The following PCDH7 variants were observed in gnomAD, a reference collection of about 807,000 sequenced individuals.
PCDH7 encodes protocadherin 7.
Under a neutral mutation model 58.9 loss-of-function variants are expected in PCDH7, and 17 were observed. The ratio of observed to expected loss-of-function variants is 0.29; its 90% CI spans 0.20 to 0.43. The LOEUF (loss-of-function observed/expected upper bound fraction) is 0.43. PCDH7 is among the 20% of genes least tolerant of loss of function. The pLI is 1.00. For synonymous variants in PCDH7, 664 were observed against 616.4 expected (o/e 1.08, Z -1.14); for missense variants, 1,274 against 1,441.0 (o/e 0.88, Z 1.88).
chr4:30,722,513 C>G lies in PCDH7; in HGVS notation c.1091C>G (p.Ser364Cys). 6.2e-7 allele frequency: 1 copy of G among 1,610,222 alleles called. No homozygotes were observed. The highest frequency in any genetic ancestry group is 8.5e-7 in the Non-Finnish European group (1 of 1,178,794). ...CGGCTGCTGCGCCTTGACGAGACGT[C>G]CGGCTGGCTCAGCGTCCTGCACCGG... The change falls in exon 1 of 2, where the codon TCC becomes TGC. Residue 364 changes from serine (S) to cysteine (C), a missense_variant. By Grantham distance (112) the Ser-to-Cys change is moderately radical. This residue lies in a region of PCDH7 where 331 missense variants were observed against 303.2 expected (regional missense o/e 1.09). Coordinates refer to ENST00000361762, the Ensembl canonical transcript of PCDH7. This position sits in a 1 kb window ranked among gnomAD's most constrained non-coding sequence, Gnocchi z 7.6.
chr4:30,856,223 C>T (rs1733437768), intron 1 of PCDH7, among the ~76,000 whole-genome samples: 1 of 151,900 alleles, frequency 6.6e-6, no homozygotes, highest in Non-Finnish European at 1.5e-5. Flanking sequence ...AAATTTAAAG[C>T]ACTCTCTTTT....
At chr4:30,988,947 T>A (rs186672627) in intron 3 of PCDH7, among the ~76,000 whole-genome samples, 2 of 152,296 alleles carry the variant, frequency 1.3e-5, no homozygotes, top group East Asian at 3.9e-4. Context: ...AACTGACAGC[T>A]TGATTTCTCT....
At chr4:31,069,673 A>C (rs978405645) in intron 3 of PCDH7, among the ~76,000 whole-genome samples, 2 of 151,970 alleles carry the variant, frequency 1.3e-5, no homozygotes, top group African/African-American at 4.8e-5. Context: ...TTTTCTTTAA[A>C]AGTTGAAGCC....
chr4:31,034,944 A>G (rs1371149028), intron 3 of PCDH7, among the ~76,000 whole-genome samples: 1 of 152,226 alleles, frequency 6.6e-6, no homozygotes, highest in East Asian at 1.9e-4. Context: ...AAATGCTTAC[A>G]CCTTAATTAA....
At chr4:31,063,242 C>T (rs574566806) in intron 3 of PCDH7, among the ~76,000 whole-genome samples, 45 of 151,852 alleles carry the variant, frequency 3.0e-4, no homozygotes, top group African/African-American at 1.0e-3. Context: ...TATGAATGCC[C>T]TTTCCATCAA....
chr4:30,832,398 C>T (rs1331913447), intron 1 of PCDH7, among the ~76,000 whole-genome samples: 1 of 152,112 alleles, frequency 6.6e-6, no homozygotes, highest in Non-Finnish European at 1.5e-5. Flanking sequence ...AACTAAATAT[C>T]TTGTAAGCAT....
chr4:30,811,619 C>T (rs1727025863), intron 1 of PCDH7, among the ~76,000 whole-genome samples: 1 of 152,090 alleles, frequency 6.6e-6, no homozygotes. Flanking sequence ...CTTTTAGGGT[C>T]CTGTGACATT....
chr4:31,054,398 A>G (rs1024875685), intron 3 of PCDH7, among the ~76,000 whole-genome samples: 2 of 152,210 alleles, frequency 1.3e-5, no homozygotes, highest in Admixed American at 1.3e-4. Context: ...AGTACGTCCC[A>G]AAAGGGTTGA....
chr4:30,797,598 T>C (rs1724968334), intron 1 of PCDH7, among the ~76,000 whole-genome samples: 2 of 152,162 alleles, frequency 1.3e-5, no homozygotes, highest in African/African-American at 2.4e-5. Flanking sequence ...AATAATGAAA[T>C]ACTGTGTGCA....
At chr4:30,823,471 C>T (rs1021156544) in intron 1 of PCDH7, among the ~76,000 whole-genome samples, 2 of 152,092 alleles carry the variant, frequency 1.3e-5, no homozygotes, top group Non-Finnish European at 2.9e-5. Context: ...TCTGCTAGAC[C>T]TGTCCTTACT....
At chr4:30,938,860 C>G (rs927029407) in intron 2 of PCDH7, among the ~76,000 whole-genome samples, 1 of 152,080 alleles carries the variant, frequency 6.6e-6, no homozygotes, top group African/African-American at 2.4e-5. Context: ...CAGAGAAACC[C>G]TGTAAGGTGA....
intron 1 of PCDH7, among the ~76,000 whole-genome samples, chr4:30,893,017 A>G (rs1738823528): frequency 6.6e-6 from 1 of 152,074 alleles, no homozygotes; most frequent in African/African-American, 2.4e-5. Context: ...CTCTGCATCA[A>G]GTCTGACTGT....
chr4:30,916,238 C>G (rs923539802), intron 1 of PCDH7, among the ~76,000 whole-genome samples: 3 of 152,180 alleles, frequency 2.0e-5, no homozygotes, highest in Non-Finnish European at 2.9e-5. Flanking sequence ...CCTTACCTCT[C>G]GCTAGGTAAA....
At chr4:30,933,484 T>A (rs1160164949) in intron 2 of PCDH7, among the ~76,000 whole-genome samples, 1 of 152,188 alleles carries the variant, frequency 6.6e-6, no homozygotes, top group African/African-American at 2.4e-5. Context: ...TTACGCTTGT[T>A]GTTATTGTTT....
Position 30,721,585 on chromosome 4 carries a change from C to G in PCDH7, c.163C>G (p.Leu55Val), listed in dbSNP as rs1713558920. The change falls in exon 1 of 2, where the codon CTG becomes GTG. Residue 55 changes from leucine (L) to valine (V), a missense_variant. Leu to Val is a conservative substitution (Grantham distance 32, BLOSUM62 1). Coordinates refer to ENST00000361762, the Ensembl canonical transcript of PCDH7. This position sits in a 1 kb window ranked among gnomAD's most constrained non-coding sequence, Gnocchi z 6.7. Reference sequence around the variant, plus strand: ...CCGCATCGGCAACGTGGCTTCAGACCTGGGCATCGTGACCGGATCGGGTGA... The same window carrying G: ...CCGCATCGGCAACGTGGCTTCAGACGTGGGCATCGTGACCGGATCGGGTGA... 1.2e-6 allele frequency: 2 copies of G among 1,609,992 alleles called. No homozygotes were observed. The highest frequency in any genetic ancestry group is 1.7e-6 in the Non-Finnish European group (2 of 1,179,898).
chr4:31,044,409 A>T (rs1756123756), intron 3 of PCDH7, among the ~76,000 whole-genome samples: 1 of 152,076 alleles, frequency 6.6e-6, no homozygotes, highest in Non-Finnish European at 1.5e-5. Context: ...ATATCCTATG[A>T]CAACAAGGTA....
chr4:30,894,490 A>AAAAAATATAT (rs1553909431), intron 1 of PCDH7, among the ~76,000 whole-genome samples: 1 of 33,518 alleles, frequency 3.0e-5, no homozygotes, highest in Non-Finnish European at 5.8e-5. Context: ...AAAAAAAAAA[A>AAAAAATATAT]ATATATATAT....
chr4:30,944,369 CA>C (rs1746426732), intron 2 of PCDH7, among the ~76,000 whole-genome samples: 1 of 151,870 alleles, frequency 6.6e-6, no homozygotes, highest in Admixed American at 6.6e-5. Flanking sequence ...TGACTATTTT[CA>C]AACATATATA....
In PCDH7 at chr4:30,721,918, A is replaced by G; in HGVS notation, c.496A>G (p.Thr166Ala). 1.3e-6 allele frequency: 2 copies of G among 1,575,006 alleles called. No individual in the cohort carries two copies. Among genetic ancestry groups the G allele is most frequent in the Non-Finnish European group, 1.7e-6 (2 of 1,164,560 alleles). The change falls in exon 1 of 2, where the codon ACA becomes GCA. Residue 166 changes from threonine to alanine, a missense_variant. Physicochemically the swap from Thr to Ala is moderately conservative, Grantham distance 58. This residue lies in a region of PCDH7 where 212 missense variants were observed against 255.8 expected (regional missense o/e 0.83). Coordinates refer to ENST00000361762, the Ensembl canonical transcript of PCDH7. The surrounding 1 kb of genome is among the most constrained non-coding windows in gnomAD (Gnocchi z 6.7). ...GGTGGGCACACTTTACCTGCTGCCC[A>G]CAGCCACCGACCGCGACTTCGGCCG... is the stretch of plus-strand genomic sequence containing the variant.
Sources: gnomAD v4.1 joint callset for allele counts (sites outside exome capture counted in the v4.1 genomes callset) on GRCh38, gnomAD v4.1.1 for gene constraint, gnomAD v4.1.1 regional missense constraint, Gnocchi (gnomAD v3.1) non-coding constraint, MANE v1.5 for transcripts, NCBI Gene and HGNC (gene_info 2026-07-23, HGNC 2026-07-21) for gene names.